The following KAZN variants were observed in gnomAD, a reference collection of about 807,000 sequenced individuals.
The protein encoded by KAZN is kazrin.
Under a neutral mutation model 87.4 loss-of-function variants are expected in KAZN, and 40 were observed. The observed-to-expected ratio is 0.46, with a 90% CI of 0.36 to 0.60. The LOEUF is 0.60. KAZN is among the 20% of genes least tolerant of loss of function. The probability of loss-of-function intolerance (pLI) is 0.00; values close to 1 mark genes in which losing one functional copy is unlikely to be tolerated. For synonymous variants in KAZN, 466 were observed against 458.3 expected, an observed-to-expected ratio of 1.02 and a Z score of -0.22; for missense variants, 898 against 1,073.9, an observed-to-expected ratio of 0.84 and a Z score of 2.29.
rs562653711 is a variant in KAZN, at chr1:15,099,124, A to G, written c.1548-2419A>G. 3.7e-4 allele frequency among the ~76,000 whole-genome samples: 56 copies of G among 152,294 alleles called. No homozygotes were observed. The highest frequency in any genetic ancestry group is 1.3e-3 in the African/African-American group (54 of 41,576). On this transcript the variant is annotated intron_variant, in intron 10 of 14. Coordinates refer to ENST00000376030, the MANE Select transcript of KAZN (RefSeq NM_201628.3). This position sits in a 1 kb window ranked among gnomAD's most constrained non-coding sequence, Gnocchi z 5.4. ...GTTCACTGGGGGAAGAGGGTGGGGT[A>G]GAGGACAGGCCCGGAGACAAGGGGG...
chr1:14,691,180 T>C (rs985492684), intron 1 of KAZN, among the ~76,000 whole-genome samples: 1 of 152,188 alleles, frequency 6.6e-6, no homozygotes, highest in African/African-American at 2.4e-5. Flanking sequence ...CTCGGTACTT[T>C]TAAGTTTCAG....
intron 1 of KAZN, among the ~76,000 whole-genome samples, chr1:14,137,029 G>T (rs995780536): frequency 6.6e-6 from 1 of 152,186 alleles, no homozygotes; most frequent in Non-Finnish European, 1.5e-5. Flanking sequence ...GCTCAGGAAG[G>T]ATTTCTCCTC....
At chr1:14,312,798 G>A (rs111709979) in intron 2 of KAZN, among the ~76,000 whole-genome samples, 3,281 of 152,076 alleles carry the variant, frequency 0.022, 127 homozygotes, top group African/African-American at 0.075. Context: ...AGAGGCCCAC[G>A]TGACAAGGAA....
chr1:14,697,410 T>C (rs1183267491), intron 1 of KAZN, among the ~76,000 whole-genome samples: 1 of 152,204 alleles, frequency 6.6e-6, no homozygotes, highest in Non-Finnish European at 1.5e-5. Flanking sequence ...CACAGCTATG[T>C]TGAGGAAACA....
intron 1 of KAZN, among the ~76,000 whole-genome samples, chr1:14,600,235 G>C (rs1340265963): frequency 6.6e-6 from 1 of 152,168 alleles, no homozygotes; most frequent in Non-Finnish European, 1.5e-5. Context: ...AGGTCCACTT[G>C]TCTAAATATG....
chr1:14,602,502 A>G (rs1364707928), intron 1 of KAZN, among the ~76,000 whole-genome samples: 1 of 152,196 alleles, frequency 6.6e-6, no homozygotes, highest in African/African-American at 2.4e-5. Context: ...AGAGCCAAGC[A>G]TTTGTTCCAA....
At chr1:14,646,608 A>G (rs1426782343) in intron 1 of KAZN, among the ~76,000 whole-genome samples, 3 of 152,098 alleles carry the variant, frequency 2.0e-5, no homozygotes, top group African/African-American at 2.4e-5. Flanking sequence ...GGGCTGTCCT[A>G]TGCCTTGTAG....
At chr1:14,972,792 G>A (rs1572955472) in intron 2 of KAZN, among the ~76,000 whole-genome samples, 1 of 152,130 alleles carries the variant, frequency 6.6e-6, no homozygotes, top group Admixed American at 6.5e-5. Flanking sequence ...TGGGATTACA[G>A]GCGGGAGCCG....
chr1:15,025,695 T>C (rs950676043), intron 2 of KAZN, among the ~76,000 whole-genome samples: 1 of 151,864 alleles, frequency 6.6e-6, no homozygotes, highest in Non-Finnish European at 1.5e-5. Context: ...GGAGAGAGAG[T>C]CTATGGGTCA....
At chr1:14,449,477 G>A (rs74718190) in intron 2 of KAZN, among the ~76,000 whole-genome samples, 3,729 of 152,320 alleles carry the variant, frequency 0.024, 67 homozygotes, top group East Asian at 0.053. Flanking sequence ...CTTAATTTGG[G>A]TGGTGATTGG....
At chr1:14,502,631 T>C (rs1418677212) in intron 2 of KAZN, among the ~76,000 whole-genome samples, 1 of 152,140 alleles carries the variant, frequency 6.6e-6, no homozygotes, top group Non-Finnish European at 1.5e-5. Context: ...TTTTTATGCT[T>C]CCTCTATTTT....
chr1:14,040,113 GAGA>G (rs1557426695), intron 1 of KAZN, among the ~76,000 whole-genome samples: 1 of 151,808 alleles, frequency 6.6e-6, no homozygotes, highest in Non-Finnish European at 1.5e-5. Flanking sequence ...GACAGAGAGA[GAGA>G]GGTTTTTTTT....
intron 1 of KAZN, among the ~76,000 whole-genome samples, chr1:14,736,532 A>G (rs1161671996): frequency 7.0e-6 from 1 of 143,882 alleles, no homozygotes; most frequent in East Asian, 2.0e-4. Context: ...GCTGATCTCG[A>G]ACTCCTCACC....
chr1:14,536,642 G>A (rs1448594287), intron 2 of KAZN, among the ~76,000 whole-genome samples: 1 of 152,204 alleles, frequency 6.6e-6, no homozygotes, highest in Non-Finnish European at 1.5e-5. Flanking sequence ...AACACTTTGG[G>A]AGGCTGAGGT....
chr1:14,916,829 G>GCTT (rs904494769), intron 1 of KAZN, among the ~76,000 whole-genome samples: 2 of 151,928 alleles, frequency 1.3e-5, no homozygotes, highest in African/African-American at 4.8e-5. Context: ...CAGAAGGATT[G>GCTT]CTTGAGCCCA....
At chr1:14,544,148 A>C (rs1557789015) in intron 2 of KAZN, among the ~76,000 whole-genome samples, 2 of 152,280 alleles carry the variant, frequency 1.3e-5, no homozygotes, top group East Asian at 3.9e-4. Flanking sequence ...AAATCTCATT[A>C]TAAAAAGAAT....
chr1:14,025,518 A>G (rs114025122), intron 1 of KAZN, among the ~76,000 whole-genome samples: 3,090 of 152,260 alleles, frequency 0.02, 99 homozygotes, highest in African/African-American at 0.07. Context: ...CCAATCTGCT[A>G]AATCCAAATC....
intron 2 of KAZN, among the ~76,000 whole-genome samples, chr1:14,558,073 TAGAA>T (rs1196828583): frequency 1.3e-5 from 2 of 152,306 alleles, no homozygotes; most frequent in East Asian, 1.9e-4. Context: ...ATACCAACAT[TAGAA>T]AGAAAGAATC....
At chr1:14,284,637 A>C (rs1002056223) in intron 2 of KAZN, among the ~76,000 whole-genome samples, 1 of 152,192 alleles carries the variant, frequency 6.6e-6, no homozygotes, top group Non-Finnish European at 1.5e-5. Context: ...TACTTTATGA[A>C]AAATTGGGCT....
Sources: allele counts gnomAD v4.1 joint callset (sites outside exome capture counted in the v4.1 genomes callset), GRCh38; gene constraint gnomAD v4.1.1; non-coding constraint Gnocchi (gnomAD v3.1); transcripts MANE v1.5; gene names NCBI Gene and HGNC (gene_info 2026-07-23, HGNC 2026-07-21).